ETS1: variants seen among roughly 807,000 people sequenced by gnomAD.
ETS1 encodes the protein ETS proto-oncogene 1, transcription factor, also known as protein C-ets-1.
ETS1 carries 15 observed loss-of-function variants against 58.6 expected under a neutral mutation model. The ratio of observed to expected loss-of-function variants is 0.26; its 90% CI spans 0.17 to 0.39. The LOEUF (loss-of-function observed/expected upper bound fraction) is 0.39, where lower values mean the gene tolerates loss of function less well. Ranked by LOEUF, ETS1 falls within the 10% of genes least tolerant of loss-of-function variation. ETS1 has a pLI of 1.00. For synonymous variants in ETS1, 214 were observed against 218.2 expected (o/e 0.98, Z 0.17); for missense variants, 417 against 610.5 (o/e 0.68, Z 3.34).
intron 3 of ETS1, among the ~76,000 whole-genome samples, chr11:128,548,927 G>GAA (rs1864182113): frequency 6.6e-6 from 1 of 151,720 alleles, no homozygotes; most frequent in African/African-American, 2.4e-5. Flanking sequence ...TGGCCCAAGT[G>GAA]TTTACTCTCT....
chr11:128,484,716 T>A, intron 7 of ETS1, 107 bp downstream of exon 7: 2 of 973,406 alleles, frequency 2.1e-6, no homozygotes, highest in Middle Eastern at 4.4e-4. Flanking sequence ...AACTGAGGAA[T>A]CTACAGGTCT....
intron 7 of ETS1, among the ~76,000 whole-genome samples, chr11:128,481,749 T>C (rs920082420): frequency 2.0e-5 from 3 of 152,144 alleles, no homozygotes; most frequent in Non-Finnish European, 2.9e-5. Context: ...CAGCGGAGAT[T>C]GGTTAAAACA....
At chr11:128,521,630 T>G (rs1264010585) in intron 3 of ETS1, among the ~76,000 whole-genome samples, 1 of 152,214 alleles carries the variant, frequency 6.6e-6, no homozygotes, top group Middle Eastern at 3.4e-3. Context: ...AAAGCAGGAA[T>G]GGGGCGCTGG....
At chr11:128,539,413 G>C (rs914858645) in intron 3 of ETS1, among the ~76,000 whole-genome samples, 3 of 152,114 alleles carry the variant, frequency 2.0e-5, no homozygotes, top group African/African-American at 7.2e-5. Context: ...CTCCAAAGAA[G>C]GTATAAGAAT....
intron 2 of ETS1, among the ~76,000 whole-genome samples, chr11:128,563,917 C>T (rs1864446312): frequency 6.6e-6 from 1 of 152,188 alleles, no homozygotes; most frequent in Non-Finnish European, 1.5e-5. Flanking sequence ...ACCCTTCCTC[C>T]TGGTTGCATG....
chr11:128,501,617 T>A (rs529225960), intron 3 of ETS1, among the ~76,000 whole-genome samples: 2 of 152,308 alleles, frequency 1.3e-5, no homozygotes, highest in African/African-American at 4.8e-5. Context: ...TCTAAGCCCC[T>A]AATAAAAATG....
intron 3 of ETS1, among the ~76,000 whole-genome samples, chr11:128,542,730 G>A (rs147139173): frequency 2.0e-5 from 3 of 152,322 alleles, no homozygotes; most frequent in African/African-American, 7.2e-5. Flanking sequence ...TCAAGAGAAA[G>A]CAGTGAGCTC....
intron 1 of ETS1, among the ~76,000 whole-genome samples, chr11:128,582,967 C>T (rs1281020134): frequency 1.3e-5 from 2 of 151,736 alleles, no homozygotes; most frequent in African/African-American, 4.8e-5. Context: ...TTCATTTTTG[C>T]TTTTTCATTT....
intron 7 of ETS1, among the ~76,000 whole-genome samples, chr11:128,481,635 T>G (rs1169406722): frequency 2.0e-5 from 3 of 152,214 alleles, no homozygotes; most frequent in Admixed American, 6.5e-5. Context: ...AAGTCAACTC[T>G]TAATTGTTCA....
At chr11:128,587,170 CAA>C (rs5795624) in intron 1 of ETS1, among the ~76,000 whole-genome samples, 62,363 of 139,356 alleles carry the variant, frequency 0.45, 14,782 homozygotes, top group African/African-American at 0.67. Context: ...CTCCAATTTG[CAA>C]AAAAAAAAAA....
intron 2 of ETS1, among the ~76,000 whole-genome samples, chr11:128,556,936 C>T (rs1431419365): frequency 1.3e-5 from 2 of 152,142 alleles, no homozygotes; most frequent in African/African-American, 4.8e-5. Context: ...GCTTTAAATA[C>T]ATTGGTTGCT....
chr11:128,494,707 A>G (rs1345091445), intron 3 of ETS1, among the ~76,000 whole-genome samples: 2 of 152,204 alleles, frequency 1.3e-5, no homozygotes, highest in African/African-American at 4.8e-5. Flanking sequence ...ACAATGGTAC[A>G]CAGAATCTAA....
At chr11:128,490,423 C>A (rs972330441) in intron 4 of ETS1, 34 bp downstream of exon 4, 4 of 1,612,166 alleles carry the variant, frequency 2.5e-6, no homozygotes, top group African/African-American at 2.7e-5. Context: ...AGGGTCTGAC[C>A]CCAACCACTC....
chr11:128,472,130 G>A lies in ETS1; in HGVS notation c.1123+8061C>T, dbSNP rs182262184. 7.9e-4 allele frequency among the ~76,000 whole-genome samples: 120 copies of A among 152,258 alleles called. 1 individual carries two copies. Among genetic ancestry groups the A allele is most frequent in the Non-Finnish European group, 1.6e-3 (108 of 68,026 alleles). Reference sequence around the variant, plus strand: ...CAAGTACTTTTTGTTTCACCATAACGTGATAAGCTGAAAGTGTCCTACCTA... The same window carrying A: ...CAAGTACTTTTTGTTTCACCATAACATGATAAGCTGAAAGTGTCCTACCTA... On this transcript the variant is annotated intron_variant, in intron 8 of 9. Coordinates refer to ENST00000392668, the MANE Select transcript of ETS1 (RefSeq NM_001143820.2).
In ETS1 at chr11:128,485,998, G is replaced by A. The variant is rs2135452699; in HGVS notation, c.613+71C>T. ...ATAGAATTACCATGAAGGAGCCTGA[G>A]ATTCACTGAGATAGGGGTCTTTTCC... is the stretch of plus-strand genomic sequence containing the variant. On this transcript the variant is annotated intron_variant, in intron 6 of 9. Coordinates refer to ENST00000392668, the MANE Select transcript of ETS1 (RefSeq NM_001143820.2). The A allele has an allele frequency of 5.8e-6, 5 of 863,608 alleles. No homozygotes were observed. In the South Asian group the frequency reaches 7.0e-5, roughly 12 times the overall value. 53.5% of individuals were successfully genotyped at this position (863,608 alleles called of 1,614,324 possible).
intron 3 of ETS1, among the ~76,000 whole-genome samples, chr11:128,525,619 GAAAAAAAAA>G (rs10554000): frequency 6.6e-5 from 5 of 75,818 alleles, no homozygotes; most frequent in Non-Finnish European, 1.3e-4. Context: ...GTAAGATTTA[GAAAAAAAAA>G]AAAAAAAAAA....
At chr11:128,547,041 C>G (rs1364694286) in intron 3 of ETS1, among the ~76,000 whole-genome samples, 1 of 152,168 alleles carries the variant, frequency 6.6e-6, no homozygotes, top group Non-Finnish European at 1.5e-5. Context: ...AAGGAGAGAT[C>G]TGGCTAGACT....
chr11:128,493,200 G>C (rs1397341964), intron 3 of ETS1, among the ~76,000 whole-genome samples: 1 of 152,166 alleles, frequency 6.6e-6, no homozygotes, highest in Non-Finnish European at 1.5e-5. Context: ...ATGAAAGCTG[G>C]GACAGTGGGA....
At chr11:128,578,953 C>T (rs1188069946) in intron 1 of ETS1, among the ~76,000 whole-genome samples, 1 of 152,074 alleles carries the variant, frequency 6.6e-6, no homozygotes, top group Non-Finnish European at 1.5e-5. Context: ...CCACTAAATG[C>T]CGAAAAAGAG....
Sources: allele counts gnomAD v4.1 joint callset (sites outside exome capture counted in the v4.1 genomes callset), GRCh38; gene constraint gnomAD v4.1.1; transcripts MANE v1.5; gene names NCBI Gene and HGNC (gene_info 2026-07-23, HGNC 2026-07-21).